CNST: variants seen among roughly 807,000 people sequenced by gnomAD.
CNST encodes consortin.
In CNST, 39 loss-of-function variants were observed where a neutral mutation model predicts 72.4. The observed-to-expected ratio is 0.54, with a 90% CI of 0.42 to 0.70. The LOEUF (loss-of-function observed/expected upper bound fraction) is 0.70, where lower values mean the gene tolerates loss of function less well. Ranked by LOEUF, CNST falls within the 30% of genes least tolerant of loss-of-function variation. The pLI is 0.00. For missense variants in CNST, 871 were observed against 868.5 expected, an observed-to-expected ratio of 1.00 and a Z score of -0.04; for synonymous variants, 332 against 320.1, an observed-to-expected ratio of 1.04 and a Z score of -0.40.
intron 2 of CNST, chr1:246,608,126 G>A (rs1331354543): frequency 1.3e-5 from 2 of 151,758 alleles, no homozygotes; most frequent in Non-Finnish European, 2.9e-5. Flanking sequence ...ACAAAAACCA[G>A]CCTGGAAAAC....
Position 246,634,000 on chromosome 1 carries a change from A to G in CNST, c.693A>G (p.Gln231=), listed in dbSNP as rs1664965408. 1 of 1,608,292 alleles carries G rather than the reference A, an allele frequency of 6.2e-7. No homozygotes were observed. Among genetic ancestry groups the G allele is most frequent in the Admixed American group, 1.7e-5 (1 of 60,000 alleles). Residue 231 remains glutamine (Q), a synonymous_variant, in exon 5 of 11, where the codon CAA becomes CAG. Transcript: ENST00000366513. ...EQLLANLSAI[Q]EQWETKWKTV... The stretch of plus-strand genomic sequence containing the variant: ...TGCTCGCAAATCTTTCTGCCATTCA[A>G]GAACAGTGGGGTAAGTACAGACCAA...
At chr1:246,611,552 A>G (rs1256787134) in intron 2 of CNST, among the ~76,000 whole-genome samples, 2 of 152,224 alleles carry the variant, frequency 1.3e-5, no homozygotes, top group Non-Finnish European at 2.9e-5. Flanking sequence ...TCATTGATTT[A>G]GAAACTCAAA....
rs1428766116 is a variant in CNST, at chr1:246,647,102, T to C, written c.938-37T>C. ...TTTTCCTTCCTATACAAAGTGTTGT[T>C]TTGAATTTTTAACAATTTATTTTTC... On this transcript the variant is annotated intron_variant, in intron 8 of 10. Coordinates refer to ENST00000366513, the MANE Select transcript of CNST (RefSeq NM_152609.3). 4 of 1,565,810 alleles carry C rather than the reference T, an allele frequency of 2.6e-6. No homozygotes were observed. The South Asian group carries it at 4.7e-5, about 18-fold the overall frequency.
At chr1:246,632,156 T>C in intron 4 of CNST, 1 of 414,208 alleles carries the variant, frequency 2.4e-6, no homozygotes, top group African/African-American at 2.1e-5. Context: ...AAATAGGCCT[T>C]AATTTTACTA....
chr1:246,637,563 A>G (rs1342838521), intron 6 of CNST, among the ~76,000 whole-genome samples: 1 of 152,206 alleles, frequency 6.6e-6, no homozygotes, highest in Non-Finnish European at 1.5e-5. Flanking sequence ...ACGGAGTCTC[A>G]TGAGGGTGTA....
At chr1:246,581,439 T>G (rs1008359296) in intron 1 of CNST, among the ~76,000 whole-genome samples, 12 of 152,110 alleles carry the variant, frequency 7.9e-5, no homozygotes, top group African/African-American at 2.7e-4. Flanking sequence ...GATTTTGTAT[T>G]TTTAGTAGAG....
intron 2 of CNST, chr1:246,606,601 CTAAT>C (rs1662844645): frequency 6.6e-6 from 1 of 151,652 alleles, no homozygotes; most frequent in African/African-American, 2.4e-5. Flanking sequence ...AGCCTGTAGT[CTAAT>C]TATTCTATTT....
At position 246,641,746 on chromosome 1, in the gene CNST, C is replaced by T. The variant is rs768791009; in HGVS notation, c.819-3C>T. ...ATTCTTTTTTCTTTCTTTTTTCCTA[C>T]AGTCCTCTTTTATCCAAACATAAGG... is the stretch of plus-strand genomic sequence containing the variant. On this transcript the variant is annotated splice_region_variant and splice_polypyrimidine_tract_variant and intron_variant, in intron 6 of 10. Transcript: ENST00000366513. 1.5e-6 allele frequency: 2 copies of T among 1,331,136 alleles called. No homozygotes were observed. The highest frequency in any genetic ancestry group is 1.2e-5 in the South Asian group (1 of 80,326). 82.5% of individuals were successfully genotyped at this position (1,331,136 alleles called of 1,614,324 possible).
At chr1:246,659,412 G>A (rs1009293381) in intron 9 of CNST, among the ~76,000 whole-genome samples, 16 of 152,136 alleles carry the variant, frequency 1.1e-4, no homozygotes, top group East Asian at 1.9e-4. Context: ...GGCTAACTCG[G>A]TGAAACCCCG....
At chr1:246,653,571 T>C (rs1666610173) in intron 9 of CNST, among the ~76,000 whole-genome samples, 1 of 152,198 alleles carries the variant, frequency 6.6e-6, no homozygotes, top group African/African-American at 2.4e-5. Context: ...TTTATGTAGA[T>C]ATCTAAAGAG....
chr1:246,665,124 C>CT (rs1317084549), intron 10 of CNST, among the ~76,000 whole-genome samples: 3 of 152,078 alleles, frequency 2.0e-5, no homozygotes, highest in South Asian at 4.1e-4. Flanking sequence ...AATCCCAGTA[C>CT]TTTGAGAGGC....
At chr1:246,613,995 G>T (rs996818824) in intron 2 of CNST, among the ~76,000 whole-genome samples, 3 of 151,872 alleles carry the variant, frequency 2.0e-5, no homozygotes, top group African/African-American at 7.3e-5. Flanking sequence ...CACTTGGCCT[G>T]TGTGAGGTCT....
intron 1 of CNST, among the ~76,000 whole-genome samples, chr1:246,568,576 T>G (rs992984637): frequency 1.3e-5 from 2 of 152,228 alleles, no homozygotes; most frequent in Non-Finnish European, 2.9e-5. Flanking sequence ...TTCTATCCTA[T>G]GCTGTTTTTG....
intron 1 of CNST, among the ~76,000 whole-genome samples, chr1:246,579,986 G>A (rs1401478067): frequency 6.6e-6 from 1 of 152,150 alleles, no homozygotes; most frequent in East Asian, 1.9e-4. Context: ...TCAGAAAACT[G>A]TATTTGCACT....
intron 2 of CNST, among the ~76,000 whole-genome samples, chr1:246,602,922 G>A (rs775544996): frequency 2.7e-5 from 4 of 150,222 alleles, no homozygotes; most frequent in Non-Finnish European, 3.0e-5. Flanking sequence ...GATTTCAGTC[G>A]TGCTGTTAAA....
intron 1 of CNST, among the ~76,000 whole-genome samples, chr1:246,567,718 G>A (rs1166271644): frequency 1.3e-5 from 2 of 152,142 alleles, no homozygotes; most frequent in Non-Finnish European, 2.9e-5. Context: ...ATCAACTGTT[G>A]TGCAAACTGT....
chr1:246,571,497 A>G (rs777000227), intron 1 of CNST, among the ~76,000 whole-genome samples: 31 of 152,136 alleles, frequency 2.0e-4, no homozygotes, highest in Non-Finnish European at 2.9e-4. Flanking sequence ...AACATTTTGG[A>G]GATGGAAACT....
At chr1:246,645,533 T>C (rs1265495518) in intron 8 of CNST, among the ~76,000 whole-genome samples, 2 of 148,728 alleles carry the variant, frequency 1.3e-5, no homozygotes, top group African/African-American at 5.0e-5. Context: ...GTTCACGCCA[T>C]TCTCCTGCCT....
At chr1:246,609,168 A>G (rs1336278199) in intron 2 of CNST, among the ~76,000 whole-genome samples, 1 of 152,188 alleles carries the variant, frequency 6.6e-6, no homozygotes, top group Non-Finnish European at 1.5e-5. Context: ...AAGGAAGTTG[A>G]CTAATTTCCA....
Sources: allele counts gnomAD v4.1 joint callset (sites outside exome capture counted in the v4.1 genomes callset), GRCh38; gene constraint gnomAD v4.1.1; transcripts MANE v1.5; gene names NCBI Gene and HGNC (gene_info 2026-07-23, HGNC 2026-07-21).